The following TMEM255B variants were observed in gnomAD, a reference collection of about 807,000 sequenced individuals.
The protein encoded by TMEM255B is transmembrane protein 255B.
In TMEM255B, 35 loss-of-function variants were observed where a neutral mutation model predicts 34.5. The observed-to-expected ratio is 1.01, with a 90% CI of 0.77 to 1.34. The LOEUF (loss-of-function observed/expected upper bound fraction) is 1.34, where lower values mean the gene tolerates loss of function less well. Ranked by LOEUF, TMEM255B falls within the 40% of genes most tolerant of loss-of-function variation. The pLI is 0.00. For synonymous variants in TMEM255B, 206 were observed against 201.2 expected (o/e 1.02, Z -0.20); for missense variants, 432 against 433.2 (o/e 1.00, Z 0.02).
chr13:113,764,431 G>A (rs984162308), intron 1 of TMEM255B, among the ~76,000 whole-genome samples: 2 of 152,310 alleles, frequency 1.3e-5, no homozygotes, highest in African/African-American at 4.8e-5. Flanking sequence ...GGCCCGCACC[G>A]GGCTGCGGCC....
intron 3 of TMEM255B, among the ~76,000 whole-genome samples, chr13:113,778,590 C>A (rs567539376): frequency 1.3e-5 from 2 of 151,206 alleles, no homozygotes; most frequent in African/African-American, 2.4e-5. Context: ...GGTACTGTGG[C>A]GTCTTCTCCC....
rs1202060821 is a variant in TMEM255B, at chr13:113,759,287, C to T, written c.18C>T (p.Pro6=). The part of the protein sequence containing the change: MQPPV[P]GPLGLLDPAE... ...GCCTCGGGATGCAGCCGCCGGTGCC[C>T]GGGCCCCTGGGCCTGCTGGACCCCG... Residue 6 remains proline, a synonymous_variant, in exon 1 of 9, where the codon CCC becomes CCT. Coordinates refer to ENST00000375353, the MANE Select transcript of TMEM255B (RefSeq NM_182614.4). 3.3e-6 allele frequency: 4 copies of T among 1,228,942 alleles called. No individual in the cohort carries two copies. The highest frequency in any genetic ancestry group is 1.6e-5 in the African/African-American group (1 of 64,220). 76.1% of individuals were successfully genotyped at this position (1,228,942 alleles called of 1,614,324 possible).
chr13:113,762,533 G>C (rs1252101716), intron 1 of TMEM255B, among the ~76,000 whole-genome samples: 2 of 152,198 alleles, frequency 1.3e-5, no homozygotes, highest in Non-Finnish European at 2.9e-5. Context: ...CAGGAAAGAG[G>C]GGTAAACATA....
chr13:113,780,857 T>G (rs2050656090), intron 3 of TMEM255B, among the ~76,000 whole-genome samples: 1 of 152,246 alleles, frequency 6.6e-6, no homozygotes. Flanking sequence ...TCTGTTACCT[T>G]GTGGCACACA....
At chr13:113,795,673 A>G (rs1215044071) in intron 4 of TMEM255B, among the ~76,000 whole-genome samples, 3 of 148,084 alleles carry the variant, frequency 2.0e-5, no homozygotes, top group African/African-American at 7.5e-5. Context: ...CACACAGCAC[A>G]CAACACACAG....
chr13:113,781,466 C>T (rs2050665392), intron 3 of TMEM255B, among the ~76,000 whole-genome samples: 1 of 152,256 alleles, frequency 6.6e-6, no homozygotes, highest in African/African-American at 2.4e-5. Context: ...TTTCCTTACA[C>T]ACCTTGCATG....
At chr13:113,808,956 T>G (rs1192537250) in intron 8 of TMEM255B, among the ~76,000 whole-genome samples, 1 of 144,436 alleles carries the variant, frequency 6.9e-6, no homozygotes, top group African/African-American at 2.6e-5. Flanking sequence ...TTTCTGGGGG[T>G]TTACCTCTGT....
chr13:113,787,970 A>C (rs2050770683), intron 3 of TMEM255B, among the ~76,000 whole-genome samples: 2 of 141,022 alleles, frequency 1.4e-5, no homozygotes, highest in Admixed American at 1.5e-4. Flanking sequence ...TGTTGAGAAG[A>C]CATCTGTGGT....
intron 3 of TMEM255B, among the ~76,000 whole-genome samples, chr13:113,789,563 C>T (rs993782366): frequency 2.6e-5 from 4 of 152,240 alleles, no homozygotes; most frequent in African/African-American, 4.8e-5. Flanking sequence ...CAATGACTTT[C>T]GGACTTAGCC....
rs2051391434 is a variant in TMEM255B at position 113,815,454 on chromosome 13, GA to G, written c.*3553del. On this transcript the variant is annotated 3_prime_UTR_variant, in exon 9 of 9. Coordinates refer to ENST00000375353, the MANE Select transcript of TMEM255B (RefSeq NM_182614.4). ...TGTGTCCCCACCCAAATCTCAACTT[GA>G]ATTGTATTTCCCAGAATTCCTGCGC... 2 of 152,222 alleles carry G rather than the reference GA, an allele frequency of 1.3e-5. No individual in the cohort carries two copies. Among genetic ancestry groups the G allele is most frequent in the South Asian group, 4.1e-4 (2 of 4,844 alleles). The allele number at this position is 152,222 out of a possible 1,614,324, so 9.4% of individuals were successfully genotyped here. A position where few individuals can be genotyped will look rare whatever the true frequency, so the allele number is the denominator to read the frequency against.
chr13:113,796,068 GCA>G (rs2050926359), intron 4 of TMEM255B, among the ~76,000 whole-genome samples: 1 of 109,972 alleles, frequency 9.1e-6, no homozygotes, highest in East Asian at 3.0e-4. Flanking sequence ...AGAGCACACA[GCA>G]CACACACAAC....
At chr13:113,800,743 C>T in intron 5 of TMEM255B, 84 bp from the exon 6 acceptor site, 2 of 1,343,348 alleles carry the variant, frequency 1.5e-6, no homozygotes, top group South Asian at 2.6e-5. Context: ...CCGCTCCCAG[C>T]TCCCATGAGG....
chr13:113,812,897 G>A lies in TMEM255B; in HGVS notation c.*994G>A, dbSNP rs1242623369. The A allele has an allele frequency of 5.6e-3, 714 of 126,848 alleles. 9 individuals are homozygous for A. Among genetic ancestry groups the A allele is most frequent in the African/African-American group, 0.024 (661 of 27,444 alleles). 7.9% of individuals were successfully genotyped at this position (126,848 alleles called of 1,614,324 possible). The stretch of plus-strand genomic sequence containing the variant: ...GGTCCCGAGTGGGTCACAGGCCCCG[G>A]GTGAGTCACAGGCCCCGGGTGAGTC... On this transcript the variant is annotated 3_prime_UTR_variant, in exon 9 of 9. Coordinates refer to ENST00000375353, the MANE Select transcript of TMEM255B (RefSeq NM_182614.4).
chr13:113,800,500 C>G (rs1276999880), intron 5 of TMEM255B, among the ~76,000 whole-genome samples: 1 of 152,090 alleles, frequency 6.6e-6, no homozygotes, highest in Non-Finnish European at 1.5e-5. Context: ...CACCCCACGC[C>G]GAAGGCCTCC....
In TMEM255B at chr13:113,804,990, C is replaced by T. The variant is rs2051142905; in HGVS notation, c.775C>T (p.Pro259Ser). 6.2e-7 allele frequency: 1 copy of T among 1,606,196 alleles called. No individual in the cohort carries two copies. The highest frequency in any genetic ancestry group is 2.2e-5 in the East Asian group (1 of 44,830). ...CGCAGGCTTCCGCCTGACGCCCGAGCCCGTCCCGACCTGCTCGTCCTACCC... is the reference window on the plus strand; with the variant it reads ...CGCAGGCTTCCGCCTGACGCCCGAGTCCGTCCCGACCTGCTCGTCCTACCC... ...AYAGFRLTPE[P>S]VPTCSSYPLP... Residue 259 changes from proline to serine, a missense_variant, in exon 8 of 9, where the codon CCC becomes TCC. Coordinates refer to ENST00000375353, the MANE Select transcript of TMEM255B (RefSeq NM_182614.4).
At chr13:113,793,773 G>A (rs1164219355) in intron 3 of TMEM255B, among the ~76,000 whole-genome samples, 1 of 152,264 alleles carries the variant, frequency 6.6e-6, no homozygotes, top group Non-Finnish European at 1.5e-5. Flanking sequence ...CTCCGCAAAA[G>A]GGCTTGGCCA....
chr13:113,764,437 C>T (rs905060070), intron 1 of TMEM255B, among the ~76,000 whole-genome samples: 2 of 152,194 alleles, frequency 1.3e-5, no homozygotes, highest in Non-Finnish European at 2.9e-5. Flanking sequence ...CACCGGGCTG[C>T]GGCCTCTGGT....
intron 8 of TMEM255B, among the ~76,000 whole-genome samples, chr13:113,811,038 C>G (rs1398091846): frequency 6.6e-6 from 1 of 152,110 alleles, no homozygotes; most frequent in African/African-American, 2.4e-5. Flanking sequence ...CGTCCACCCC[C>G]TGCCCCATGC....
Position 113,769,870 on chromosome 13 carries a change from C to T in TMEM255B, c.252+710C>T, listed in dbSNP as rs1237497780. ...GGGGAGGTGGTTGGGCCATTTCTGCCTCATCTCCCAGTTGTTGCTTCAGAG... is the reference window on the plus strand; with the variant it reads ...GGGGAGGTGGTTGGGCCATTTCTGCTTCATCTCCCAGTTGTTGCTTCAGAG... On this transcript the variant is annotated intron_variant, in intron 3 of 8. Transcript: ENST00000375353. This position sits in a 1 kb window ranked among gnomAD's most constrained non-coding sequence, Gnocchi z 4.2. The T allele has an allele frequency of 6.6e-6, 1 of 152,356 alleles. No individual in the cohort carries two copies. Among genetic ancestry groups the T allele is most frequent in the African/African-American group, 2.4e-5 (1 of 41,434 alleles). 9.4% of individuals were successfully genotyped at this position (152,356 alleles called of 1,614,324 possible).
Sources: allele counts gnomAD v4.1 joint callset (sites outside exome capture counted in the v4.1 genomes callset), GRCh38; gene constraint gnomAD v4.1.1; non-coding constraint Gnocchi (gnomAD v3.1); transcripts MANE v1.5; gene names NCBI Gene and HGNC (gene_info 2026-07-23, HGNC 2026-07-21).